The following PCGF5 variants were observed in gnomAD, a reference collection of about 807,000 sequenced individuals.
PCGF5 encodes polycomb group RING finger protein 5.
PCGF5 carries 9 observed loss-of-function variants against 44.3 expected under a neutral mutation model. The observed-to-expected ratio is 0.20, with a 90% CI of 0.12 to 0.35. The LOEUF is 0.35. Among genes scored for constraint, PCGF5 ranks in the 10% least tolerant of loss-of-function variants. PCGF5 has a pLI of 1.00. For synonymous variants in PCGF5, 95 were observed against 102.5 expected (o/e 0.93, Z 0.44); for missense variants, 146 against 305.3 (o/e 0.48, Z 3.89).
At chr10:91,165,220 C>T (rs1022918663) in intron 1 of PCGF5, among the ~76,000 whole-genome samples, 1 of 152,086 alleles carries the variant, frequency 6.6e-6, no homozygotes. Context: ...GCATCATATC[C>T]TAAGACACTT....
intron 8 of PCGF5, among the ~76,000 whole-genome samples, chr10:91,269,292 A>G (rs1035972175): frequency 2.0e-5 from 3 of 152,200 alleles, no homozygotes; most frequent in Non-Finnish European, 4.4e-5. Flanking sequence ...ATGTCATATC[A>G]TCTGATCTGT....
intron 1 of PCGF5, among the ~76,000 whole-genome samples, chr10:91,192,622 A>G (rs1218465496): frequency 6.6e-6 from 1 of 152,246 alleles, no homozygotes; most frequent in African/African-American, 2.4e-5. Flanking sequence ...TCAATAAACA[A>G]AACAATGATT....
intron 1 of PCGF5, among the ~76,000 whole-genome samples, chr10:91,210,482 C>T (rs1033683062): frequency 2.6e-5 from 4 of 152,192 alleles, no homozygotes; most frequent in African/African-American, 9.7e-5. Flanking sequence ...ACCTGAAGAT[C>T]TCTAATGTCA....
the PCGF5 span, among the ~76,000 whole-genome samples, chr10:91,157,504 C>A: frequency 6.6e-6 from 1 of 152,118 alleles, no homozygotes; most frequent in Non-Finnish European, 1.5e-5. Flanking sequence ...AATTTGGAGA[C>A]AGTGAAACCA....
chr10:91,165,927 G>A (rs559699043), intron 1 of PCGF5, among the ~76,000 whole-genome samples: 2 of 152,318 alleles, frequency 1.3e-5, no homozygotes, highest in South Asian at 4.1e-4. Flanking sequence ...TGAAGTTAGT[G>A]CTGAAGAAGA....
chr10:91,241,979 A>T (rs969750142), intron 3 of PCGF5, among the ~76,000 whole-genome samples: 6 of 152,190 alleles, frequency 3.9e-5, no homozygotes, highest in Non-Finnish European at 8.8e-5. Context: ...CACTTCGTTT[A>T]GCAAGCTCTC....
At chr10:91,212,053 TTTTA>T (rs1282942300) in intron 1 of PCGF5, among the ~76,000 whole-genome samples, 6 of 152,252 alleles carry the variant, frequency 3.9e-5, no homozygotes, top group South Asian at 2.1e-4. Context: ...AGGACAATGA[TTTTA>T]TTTATCTTAC....
At chr10:91,196,952 C>T (rs1844144895) in intron 1 of PCGF5, among the ~76,000 whole-genome samples, 1 of 152,060 alleles carries the variant, frequency 6.6e-6, no homozygotes, top group Admixed American at 6.6e-5. Context: ...GTCAAGGAGC[C>T]TCCAGATTCT....
At chr10:91,234,861 A>G (rs879900272) in intron 2 of PCGF5, among the ~76,000 whole-genome samples, 1 of 152,228 alleles carries the variant, frequency 6.6e-6, no homozygotes, top group African/African-American at 2.4e-5. Flanking sequence ...ATTCAGATCT[A>G]GGCAGTCTGC....
chr10:91,169,117 C>G (rs1246617322), intron 1 of PCGF5, among the ~76,000 whole-genome samples: 3 of 151,938 alleles, frequency 2.0e-5, no homozygotes, highest in African/African-American at 7.3e-5. Flanking sequence ...TTGCCCAGGG[C>G]AGTGCTAGTT....
chr10:91,277,259 C>T (rs1025062471), intron 9 of PCGF5, among the ~76,000 whole-genome samples: 1 of 152,184 alleles, frequency 6.6e-6, no homozygotes, highest in Non-Finnish European at 1.5e-5. Flanking sequence ...TGTTAAATCT[C>T]AGTCTAGCCC....
chr10:91,220,505 GC>G (rs1428722868), upstream of PCGF5: 1 of 152,430 alleles, frequency 6.6e-6, no homozygotes, highest in Non-Finnish European at 1.5e-5. Context: ...CCTGCGAGCA[GC>G]GCAGGCGGCA....
At chr10:91,195,483 TATAG>T (rs1433677127) in intron 1 of PCGF5, among the ~76,000 whole-genome samples, 229 of 102,160 alleles carry the variant, frequency 2.2e-3, no homozygotes, top group African/African-American at 7.0e-3. Flanking sequence ...TATATATATA[TATAG>T]AGAGAGAGAG....
At position 91,240,592 on chromosome 10, in the gene PCGF5, A is replaced by G. The variant is rs951745158; in HGVS notation, c.209+12A>G. 4.5e-6 allele frequency: 7 copies of G among 1,553,348 alleles called. No individual in the cohort carries two copies. In the South Asian group the frequency reaches 6.8e-5, roughly 15 times the overall value. On this transcript the variant is annotated intron_variant, in intron 3 of 9. Transcript: ENST00000336126. ...TTAGAAATGTTGAGGTAAGGATGTT[A>G]TATTTTACAGTTCATCTAATTTACA...
upstream of PCGF5, among the ~76,000 whole-genome samples, chr10:91,218,805 GT>G (rs2133266513): frequency 6.6e-6 from 1 of 151,820 alleles, no homozygotes; most frequent in East Asian, 1.9e-4. Flanking sequence ...GCTGATTTTT[GT>G]TTTAGTAGAG....
intron 1 of PCGF5, among the ~76,000 whole-genome samples, chr10:91,180,078 T>A (rs1195194610): frequency 1.3e-5 from 2 of 152,238 alleles, no homozygotes; most frequent in East Asian, 1.9e-4. Context: ...TGGTTTTGAT[T>A]TACATTTCTC....
At chr10:91,270,207 A>G (rs535961684) in intron 8 of PCGF5, among the ~76,000 whole-genome samples, 1 of 152,272 alleles carries the variant, frequency 6.6e-6, no homozygotes, top group African/African-American at 2.4e-5. Context: ...TTCTCAGTAC[A>G]GCCCCCTTTT....
At chr10:91,192,530 A>G (rs184742703) in intron 1 of PCGF5, among the ~76,000 whole-genome samples, 2 of 152,348 alleles carry the variant, frequency 1.3e-5, no homozygotes, top group East Asian at 1.9e-4. Context: ...AGTTGAAAGT[A>G]AAAATAACCC....
At chr10:91,261,287 T>C (rs758197185) in intron 6 of PCGF5, 39 bp from the exon 7 acceptor site, 1 of 1,430,064 alleles carries the variant, frequency 7.0e-7, no homozygotes, top group South Asian at 1.7e-5. Context: ...ACATTTTAAC[T>C]GGTAGAACAT....
Sources: gnomAD v4.1 joint callset for allele counts (sites outside exome capture counted in the v4.1 genomes callset) on GRCh38, gnomAD v4.1.1 for gene constraint, MANE v1.5 for transcripts, NCBI Gene and HGNC (gene_info 2026-07-23, HGNC 2026-07-21) for gene names.